The following CCDC148 variants were observed in gnomAD, a reference collection of about 807,000 sequenced individuals.
The protein encoded by CCDC148 is coiled-coil domain containing 148, also known as coiled-coil domain-containing protein 148.
Under a neutral mutation model 85.7 loss-of-function variants are expected in CCDC148, and 89 were observed. That is an observed-to-expected ratio of 1.04 (90% CI 0.87 to 1.24). The LOEUF (loss-of-function observed/expected upper bound fraction) is 1.24, where lower values mean the gene tolerates loss of function less well. CCDC148 is among the 50% of genes most tolerant of loss of function. The probability of loss-of-function intolerance (pLI) is 0.00; values close to 1 mark genes in which losing one functional copy is unlikely to be tolerated. For synonymous variants in CCDC148, 230 were observed against 213.9 expected (o/e 1.08, Z -0.66); for missense variants, 692 against 671.7 (o/e 1.03, Z -0.33).
At chr2:158,307,492 G>A (rs978923083) in intron 9 of CCDC148, among the ~76,000 whole-genome samples, 1 of 152,204 alleles carries the variant, frequency 6.6e-6, no homozygotes, top group Non-Finnish European at 1.5e-5. Context: ...CTATTTGGCA[G>A]TATTTACTAA....
At chr2:158,307,719 AATAGCTGTAAC>A (rs1691763582) in intron 9 of CCDC148, among the ~76,000 whole-genome samples, 1 of 152,248 alleles carries the variant, frequency 6.6e-6, no homozygotes, top group Non-Finnish European at 1.5e-5. Context: ...AAGAAGAACA[AATAGCTGTAAC>A]ATGCCACAAA....
intron 1 of CCDC148, among the ~76,000 whole-genome samples, chr2:158,398,547 A>T (rs1284596780): frequency 2.0e-5 from 3 of 152,186 alleles, no homozygotes; most frequent in Non-Finnish European, 4.4e-5. Flanking sequence ...TAACAAAATG[A>T]AGGCATAAAT....
At chr2:158,432,816 G>A (rs1430500080) in intron 1 of CCDC148, among the ~76,000 whole-genome samples, 1 of 151,964 alleles carries the variant, frequency 6.6e-6, no homozygotes, top group Non-Finnish European at 1.5e-5. Flanking sequence ...GCTCAAGTCT[G>A]TAATCCCAGC....
At chr2:158,354,684 T>C (rs552531953) in intron 2 of CCDC148, among the ~76,000 whole-genome samples, 2 of 152,070 alleles carry the variant, frequency 1.3e-5, no homozygotes, top group African/African-American at 4.8e-5. Flanking sequence ...TCTGAAACTA[T>C]TCCAATCAAT....
intron 11 of CCDC148, among the ~76,000 whole-genome samples, chr2:158,182,243 T>C (rs1684939902): frequency 6.6e-6 from 1 of 151,858 alleles, no homozygotes; most frequent in Non-Finnish European, 1.5e-5. Flanking sequence ...GATGCCACCA[T>C]CTAGAAAAAG....
intron 7 of CCDC148, among the ~76,000 whole-genome samples, chr2:158,319,621 TC>T (rs1692434054): frequency 6.6e-6 from 1 of 152,196 alleles, no homozygotes; most frequent in African/African-American, 2.4e-5. Context: ...AATAAGAAAT[TC>T]CTTTATTATG....
intron 9 of CCDC148, among the ~76,000 whole-genome samples, chr2:158,266,194 G>A (rs888727796): frequency 6.6e-6 from 1 of 152,080 alleles, no homozygotes; most frequent in Non-Finnish European, 1.5e-5. Flanking sequence ...TCAAATATTT[G>A]CCAGGGGCAG....
chr2:158,340,121 T>C (rs1682600276), intron 5 of CCDC148, 121 bp downstream of exon 5: 1 of 699,278 alleles, frequency 1.4e-6, no homozygotes. Context: ...TATTTAAATA[T>C]TATTTATGTA....
intron 1 of CCDC148, among the ~76,000 whole-genome samples, chr2:158,400,777 C>T (rs890433649): frequency 6.6e-6 from 1 of 152,108 alleles, no homozygotes; most frequent in Non-Finnish European, 1.5e-5. Flanking sequence ...AGGCAACCTA[C>T]AGAATGGGAG....
At chr2:158,212,755 G>T (rs900291019) in intron 11 of CCDC148, among the ~76,000 whole-genome samples, 4 of 152,028 alleles carry the variant, frequency 2.6e-5, no homozygotes, top group Non-Finnish European at 5.9e-5. Flanking sequence ...CACATAACTG[G>T]GTTGTTAGAA....
intron 9 of CCDC148, among the ~76,000 whole-genome samples, chr2:158,274,459 A>T (rs1689835268): frequency 6.6e-6 from 1 of 152,216 alleles, no homozygotes; most frequent in Non-Finnish European, 1.5e-5. Flanking sequence ...GCAACTGGCC[A>T]ATGTGTCTCC....
intron 3 of CCDC148, among the ~76,000 whole-genome samples, chr2:158,342,923 T>C (rs984335990): frequency 1.3e-5 from 2 of 152,214 alleles, no homozygotes; most frequent in African/African-American, 4.8e-5. Context: ...TAAATGTAAA[T>C]ATTAAACATA....
intron 10 of CCDC148, among the ~76,000 whole-genome samples, chr2:158,225,869 G>A (rs1687487937): frequency 6.6e-6 from 1 of 152,088 alleles, no homozygotes; most frequent in African/African-American, 2.4e-5. Context: ...ATCCAAAATT[G>A]ACACCCTAAC....
chr2:158,274,740 T>C (rs780264873), intron 9 of CCDC148, among the ~76,000 whole-genome samples: 2 of 152,180 alleles, frequency 1.3e-5, no homozygotes, highest in African/African-American at 4.8e-5. Context: ...AGCAGGAAAG[T>C]AACATGGTCA....
intron 10 of CCDC148, among the ~76,000 whole-genome samples, chr2:158,240,517 CTG>C (rs1688312245): frequency 6.6e-6 from 1 of 151,332 alleles, no homozygotes; most frequent in Non-Finnish European, 1.5e-5. Flanking sequence ...ATCAGCCTCT[CTG>C]TTACACAAGG....
intron 10 of CCDC148, among the ~76,000 whole-genome samples, chr2:158,222,358 T>G (rs1257526133): frequency 6.6e-6 from 1 of 152,160 alleles, no homozygotes; most frequent in African/African-American, 2.4e-5. Flanking sequence ...CAGGCGTATG[T>G]TATACCTGGA....
chr2:158,324,654 A>G (rs1231326560), intron 7 of CCDC148, among the ~76,000 whole-genome samples: 1 of 152,196 alleles, frequency 6.6e-6, no homozygotes, highest in Non-Finnish European at 1.5e-5. Context: ...ATGGTGTCAG[A>G]CTTCCAAATA....
At chr2:158,208,788 T>C (rs1423525292) in intron 11 of CCDC148, among the ~76,000 whole-genome samples, 2 of 152,180 alleles carry the variant, frequency 1.3e-5, no homozygotes, top group African/African-American at 4.8e-5. Flanking sequence ...TACTCAAATA[T>C]CTTTCCACAA....
Position 158,263,127 on chromosome 2 carries a change from G to T in CCDC148, c.1111-12215C>A, listed in dbSNP as rs192502069. Among the ~76,000 whole-genome samples, 32 of 152,162 alleles carry T rather than the reference G, an allele frequency of 2.1e-4. No individual in the cohort carries two copies. In the East Asian group the frequency reaches 5.8e-3, roughly 28 times the overall value. On this transcript the variant is annotated intron_variant, in intron 9 of 13. Coordinates refer to ENST00000283233, the MANE Select transcript of CCDC148 (RefSeq NM_138803.4). ...TCATGAAGGTTTCACACAGCTGGTA[G>T]GACCTGGATTCAGCTTTGAACGATT...
Sources: gnomAD v4.1 joint callset for allele counts (sites outside exome capture counted in the v4.1 genomes callset) on GRCh38, gnomAD v4.1.1 for gene constraint, MANE v1.5 for transcripts, NCBI Gene and HGNC (gene_info 2026-07-23, HGNC 2026-07-21) for gene names.